INTU: variants seen among roughly 807,000 people sequenced by gnomAD.
INTU encodes protein inturned.
In INTU, 68 loss-of-function variants were observed where a neutral mutation model predicts 100.5. The ratio of observed to expected loss-of-function variants is 0.68; its 90% confidence interval spans 0.56 to 0.83. INTU has a LOEUF of 0.83. Among genes scored for constraint, INTU ranks in the 40% least tolerant of loss-of-function variants. INTU has a pLI of 0.00. For synonymous variants in INTU, 357 were observed against 395.7 expected, an observed-to-expected ratio of 0.90 and a Z score of 1.16; for missense variants, 1,071 against 1,114.7, an observed-to-expected ratio of 0.96 and a Z score of 0.56.
chr4:127,661,125 T>A (rs1728457334), intron 3 of INTU, among the ~76,000 whole-genome samples: 1 of 152,170 alleles, frequency 6.6e-6, no homozygotes, highest in African/African-American at 2.4e-5. Context: ...CCCTAAGGAA[T>A]TTTAATGGAT....
intron 8 of INTU, among the ~76,000 whole-genome samples, 189 bp from the exon 9 acceptor site, chr4:127,699,821 G>C (rs977256881): frequency 6.6e-6 from 1 of 152,102 alleles, no homozygotes; most frequent in Non-Finnish European, 1.5e-5. Context: ...TGTTAAATAA[G>C]TAAACTGTTT....
chr4:127,649,790 G>A (rs1041528943), intron 2 of INTU, among the ~76,000 whole-genome samples: 2 of 151,998 alleles, frequency 1.3e-5, no homozygotes, highest in Non-Finnish European at 2.9e-5. Flanking sequence ...AGAGTGCCTG[G>A]CACACATTAA....
intron 9 of INTU, among the ~76,000 whole-genome samples, chr4:127,703,825 A>AC (rs1261819569): frequency 2.0e-5 from 3 of 151,946 alleles, no homozygotes; most frequent in African/African-American, 4.8e-5. Context: ...TATATACTTA[A>AC]TTTTTTTTAC....
At chr4:127,663,327 C>G in intron 3 of INTU, 54 bp from the exon 4 acceptor site, 1 of 1,320,580 alleles carries the variant, frequency 7.6e-7, no homozygotes, top group South Asian at 1.3e-5. Context: ...ATTGTGAAAA[C>G]TGCAGCTGAT....
At chr4:127,715,286 T>G (rs1282102723) in intron 15 of INTU, among the ~76,000 whole-genome samples, 1 of 151,732 alleles carries the variant, frequency 6.6e-6, no homozygotes, top group African/African-American at 2.4e-5. Context: ...TGAGTTGGAG[T>G]AGAGGTTGGT....
chr4:127,666,608 C>G (rs980528352), intron 4 of INTU, among the ~76,000 whole-genome samples: 1 of 152,074 alleles, frequency 6.6e-6, no homozygotes, highest in African/African-American at 2.4e-5. Flanking sequence ...TTCTGCCCAC[C>G]ACTCAACACT....
intron 6 of INTU, among the ~76,000 whole-genome samples, chr4:127,680,228 G>C (rs1729461458): frequency 2.0e-5 from 3 of 152,056 alleles, no homozygotes; most frequent in Non-Finnish European, 4.4e-5. Flanking sequence ...AACAGAAAAA[G>C]AGGGAATCCT....
chr4:127,702,633 T>C (rs986419987), intron 9 of INTU, among the ~76,000 whole-genome samples: 6 of 152,168 alleles, frequency 3.9e-5, no homozygotes, highest in African/African-American at 1.4e-4. Context: ...ATTTTGCCTT[T>C]AAAAAAATAT....
chr4:127,670,722 T>C, intron 5 of INTU, among the ~76,000 whole-genome samples: 1 of 151,816 alleles, frequency 6.6e-6, no homozygotes, highest in East Asian at 1.9e-4. Context: ...CTACAAGGCT[T>C]TCTATAGTAA....
At chr4:127,691,891 A>G (rs538228149) in intron 8 of INTU, among the ~76,000 whole-genome samples, 3 of 148,154 alleles carry the variant, frequency 2.0e-5, no homozygotes, top group South Asian at 2.2e-4. Context: ...ATAGTCTCCA[A>G]TTCCATCCAG....
chr4:127,714,017 G>A lies in INTU; in HGVS notation c.2641G>A (p.Val881Met). Reference protein sequence around the residue: ...SSLNPVKEHGVLFECSPGNWT... With the variant: ...SSLNPVKEHGMLFECSPGNWT... ...TCTTAACCCTGTTAAAGAACATGGT[G>A]TGTTGTTTGAATGTTCACCTGGAAA... Residue 881 changes from valine to methionine, a missense_variant, in exon 15 of 16, where the codon GTG (valine) becomes ATG (methionine). Transcript: ENST00000335251. 6.2e-7 allele frequency: 1 copy of A among 1,613,400 alleles called. No homozygotes were observed. Among genetic ancestry groups the A allele is most frequent in the Non-Finnish European group, 8.5e-7 (1 of 1,179,528 alleles).
intron 1 of INTU, among the ~76,000 whole-genome samples, chr4:127,637,692 CATCTTTA>C (rs761523509): frequency 5.3e-5 from 8 of 152,158 alleles, no homozygotes; most frequent in Non-Finnish European, 8.8e-5. Context: ...TCCCATCTGA[CATCTTTA>C]AAAGTACAGT....
chr4:127,658,276 A>ATT (rs1728323561), intron 3 of INTU, among the ~76,000 whole-genome samples: 1 of 152,208 alleles, frequency 6.6e-6, no homozygotes, highest in Non-Finnish European at 1.5e-5. Context: ...GTGCTGGAAT[A>ATT]ACTATGGTAG....
At chr4:127,637,641 C>G (rs1454049107) in intron 1 of INTU, among the ~76,000 whole-genome samples, 1 of 152,136 alleles carries the variant, frequency 6.6e-6, no homozygotes, top group African/African-American at 2.4e-5. Flanking sequence ...AGTCTTTATT[C>G]CTGAGTGTTG....
At chr4:127,644,077 T>C in intron 2 of INTU, 21 bp downstream of exon 2, 1 of 1,593,210 alleles carries the variant, frequency 6.3e-7, no homozygotes, top group Non-Finnish European at 8.6e-7. Context: ...CTGGTACACA[T>C]CCATCCCTGT....
chr4:127,654,251 T>G (rs1202206397), intron 2 of INTU, among the ~76,000 whole-genome samples: 3 of 152,130 alleles, frequency 2.0e-5, no homozygotes, highest in Non-Finnish European at 4.4e-5. Context: ...ATGTGTGAAT[T>G]TGATCCTGTC....
chr4:127,697,554 A>G (rs1214848423), intron 8 of INTU, among the ~76,000 whole-genome samples: 1 of 152,066 alleles, frequency 6.6e-6, no homozygotes, highest in East Asian at 1.9e-4. Context: ...GAGTGAGATC[A>G]TGTGGTAGTT....
chr4:127,696,443 T>C (rs373799333), intron 8 of INTU, among the ~76,000 whole-genome samples: 120 of 152,320 alleles, frequency 7.9e-4, no homozygotes, highest in African/African-American at 2.7e-3. Context: ...CCATTCCATC[T>C]AGGTTATCAA....
At chr4:127,646,677 A>T (rs1011483347) in intron 2 of INTU, among the ~76,000 whole-genome samples, 2 of 152,178 alleles carry the variant, frequency 1.3e-5, no homozygotes, top group African/African-American at 4.8e-5. Flanking sequence ...AAGGCAGGAT[A>T]AATGTCTGAT....
Sources: gnomAD v4.1 joint callset for allele counts (sites outside exome capture counted in the v4.1 genomes callset) on GRCh38, gnomAD v4.1.1 for gene constraint, MANE v1.5 for transcripts, NCBI Gene and HGNC (gene_info 2026-07-23, HGNC 2026-07-21) for gene names.